The following ZNF727 variants were observed in gnomAD, a reference collection of about 807,000 sequenced individuals.
ZNF727 encodes zinc finger protein 727.
ZNF727 carries 11 observed loss-of-function variants against 11.5 expected under a neutral mutation model. The observed-to-expected ratio is 0.95, with a 90% confidence interval of 0.60 to 1.58. The LOEUF is 1.58. ZNF727 is among the 40% of genes most tolerant of loss of function. ZNF727 has a pLI of 0.00. For synonymous variants in ZNF727, 171 were observed against 196.1 expected, an observed-to-expected ratio of 0.87 and a Z score of 1.07; for missense variants, 533 against 581.7, an observed-to-expected ratio of 0.92 and a Z score of 0.86.
rs1223438196 is a variant in ZNF727 at position 64,058,120 on chromosome 7, T to C, written c.4-10771T>C. ...CAACAAGTAACAGAAGCCAAGGACA[T>C]GTGCGTGCCTGTGAGTTACTCAGCA... On this transcript the variant is annotated intron_variant, in intron 1 of 3. Transcript: ENST00000456806. 2.0e-5 allele frequency among the ~76,000 whole-genome samples: 3 copies of C among 152,132 alleles called. No individual in the cohort carries two copies. The East Asian group carries it at 5.8e-4, about 29-fold the overall frequency.
intron 3 of ZNF727, among the ~76,000 whole-genome samples, chr7:64,074,815 G>A (rs541685470): frequency 2.2e-4 from 34 of 152,224 alleles, no homozygotes; most frequent in African/African-American, 7.9e-4. Context: ...CTCACAGAAC[G>A]CATGAAAACA....
At chr7:64,072,908 C>A (rs1030193022) in intron 3 of ZNF727, among the ~76,000 whole-genome samples, 4 of 152,020 alleles carry the variant, frequency 2.6e-5, no homozygotes, top group African/African-American at 9.7e-5. Context: ...ACCGTATCAC[C>A]CAGGCTGGTC....
chr7:64,054,207 A>G (rs17840373), intron 1 of ZNF727, among the ~76,000 whole-genome samples: 2,722 of 152,282 alleles, frequency 0.018, 156 homozygotes, highest in East Asian at 0.17. Context: ...GTCTGAAAGC[A>G]CACCTCAGTT....
chr7:64,061,246 A>G (rs1789765265), intron 1 of ZNF727, among the ~76,000 whole-genome samples: 1 of 152,088 alleles, frequency 6.6e-6, no homozygotes, highest in South Asian at 2.1e-4. Context: ...TATCTGGATT[A>G]TGTGTCTGCT....
At chr7:64,076,570 G>C (rs1348826733) in intron 3 of ZNF727, among the ~76,000 whole-genome samples, 1 of 152,038 alleles carries the variant, frequency 6.6e-6, no homozygotes, top group African/African-American at 2.4e-5. Context: ...CTCCAGTCTG[G>C]GCGACAGAGA....
chr7:64,075,977 G>T (rs1212454810), intron 3 of ZNF727, among the ~76,000 whole-genome samples: 9 of 152,050 alleles, frequency 5.9e-5, no homozygotes, highest in Non-Finnish European at 1.5e-5. Flanking sequence ...TTATTTTTTA[G>T]TAGTACACTA....
chr7:64,072,052 T>C (rs766572080), intron 3 of ZNF727, among the ~76,000 whole-genome samples: 2 of 152,198 alleles, frequency 1.3e-5, no homozygotes, highest in Non-Finnish European at 2.9e-5. Flanking sequence ...CAAAACTGCT[T>C]TGGCTATTTA....
intron 3 of ZNF727, among the ~76,000 whole-genome samples, chr7:64,069,972 T>C (rs747842194): frequency 7.2e-5 from 11 of 152,048 alleles, no homozygotes; most frequent in Non-Finnish European, 1.6e-4. Context: ...TTTGAGAAAC[T>C]ATATTAAACC....
rs1204536335 is a variant in ZNF727, at chr7:64,058,710, A to G, written c.4-10181A>G. On this transcript the variant is annotated intron_variant, in intron 1 of 3. Transcript: ENST00000456806. ...AATAATTCAAAATTTAAGCTGTTTG[A>G]TATTCTAAATTATTCCAGGCCTCAA... is the stretch of plus-strand genomic sequence containing the variant. 2.0e-5 allele frequency among the ~76,000 whole-genome samples: 3 copies of G among 152,180 alleles called. No individual in the cohort carries two copies. In the East Asian group the frequency reaches 5.8e-4, roughly 29 times the overall value.
At chr7:64,065,939 A>G (rs998979073) in intron 1 of ZNF727, among the ~76,000 whole-genome samples, 3 of 152,200 alleles carry the variant, frequency 2.0e-5, no homozygotes, top group Non-Finnish European at 4.4e-5. Flanking sequence ...TGGATGCCCA[A>G]GATTCCTGTT....
chr7:64,065,175 A>G (rs1218533975), intron 1 of ZNF727, among the ~76,000 whole-genome samples: 1 of 152,148 alleles, frequency 6.6e-6, no homozygotes, highest in African/African-American at 2.4e-5. Context: ...TGTGAGGCTA[A>G]GGTGAGCCCA....
At chr7:64,064,594 T>C (rs1439398562) in intron 1 of ZNF727, among the ~76,000 whole-genome samples, 1 of 152,106 alleles carries the variant, frequency 6.6e-6, no homozygotes, top group Non-Finnish European at 1.5e-5. Flanking sequence ...TTCTTGGCCA[T>C]CCCAGCTGGC....
At chr7:64,056,879 A>G (rs1384834567) in intron 1 of ZNF727, among the ~76,000 whole-genome samples, 1 of 151,950 alleles carries the variant, frequency 6.6e-6, no homozygotes, top group Non-Finnish European at 1.5e-5. Context: ...TTTTTTCCTT[A>G]TCTTGCCTGG....
In ZNF727 at chr7:64,078,433, A is replaced by C. The variant is rs1427699506; in HGVS notation, c.1384A>C (p.Thr462Pro). 6.3e-7 allele frequency: 1 copy of C among 1,586,640 alleles called. No individual in the cohort carries two copies. Among genetic ancestry groups the C allele is most frequent in the Admixed American group, 1.8e-5 (1 of 55,712 alleles). ...YKCEECGKTF[T>P]CSSSLIKHKR... Reference sequence around the variant, plus strand: ...ATGTGAAGAATGTGGCAAAACCTTTACCTGCTCCTCAAGCCTTATTAAACA... The same window carrying C: ...ATGTGAAGAATGTGGCAAAACCTTTCCCTGCTCCTCAAGCCTTATTAAACA... Residue 462 changes from threonine to proline, a missense_variant, in exon 4 of 4, where the codon ACC (threonine) becomes CCC (proline). Physicochemically the swap from Thr to Pro is conservative, Grantham distance 38. This residue lies in a region of ZNF727 where 54 missense variants were observed against 48.6 expected (regional missense o/e 1.11). Transcript: ENST00000456806.
At chr7:64,046,246 G>T (rs1789503856) in intron 1 of ZNF727, among the ~76,000 whole-genome samples, 1 of 152,032 alleles carries the variant, frequency 6.6e-6, no homozygotes. Context: ...GCTCAGCCTG[G>T]TCTCGAACTC....
intron 1 of ZNF727, among the ~76,000 whole-genome samples, chr7:64,050,802 GTGTGTGTGTGTA>G (rs1165392984): frequency 6.6e-6 from 1 of 151,770 alleles, no homozygotes; most frequent in African/African-American, 2.4e-5. Flanking sequence ...GTGTGTGTGT[GTGTGTGTGTGTA>G]TGTATGTATA....
rs759848613 is a variant in ZNF727 at position 64,080,006 on chromosome 7, T to TC, written c.*1458dup. 1.2e-4 allele frequency among the ~76,000 whole-genome samples: 18 copies of TC among 152,206 alleles called. No individual in the cohort carries two copies. Among genetic ancestry groups the TC allele is most frequent in the Non-Finnish European group, 2.5e-4 (17 of 68,024 alleles). ...CATTAATCTCTTTTGACTTGAGGGA[T>TC]CTCAGCTGCAAGGTTCATTGTTGTC... On this transcript the variant is annotated 3_prime_UTR_variant, in exon 4 of 4. Coordinates refer to ENST00000456806, the MANE Select transcript of ZNF727 (RefSeq NM_001159522.3).
intron 1 of ZNF727, among the ~76,000 whole-genome samples, chr7:64,050,724 A>G (rs1446754125): frequency 4.6e-5 from 7 of 151,968 alleles, no homozygotes; most frequent in Admixed American, 3.9e-4. Context: ...TGAAAAAACC[A>G]TAGGCCTCAA....
chr7:64,050,214 T>C (rs1024813657), intron 1 of ZNF727, among the ~76,000 whole-genome samples: 13 of 152,260 alleles, frequency 8.5e-5, no homozygotes, highest in Non-Finnish European at 1.6e-4. Context: ...GAAAACTTAT[T>C]TATCTTTAAT....
Sources: gnomAD v4.1 joint callset for allele counts (sites outside exome capture counted in the v4.1 genomes callset) on GRCh38, gnomAD v4.1.1 for gene constraint, gnomAD v4.1.1 regional missense constraint, MANE v1.5 for transcripts, NCBI Gene and HGNC (gene_info 2026-07-23, HGNC 2026-07-21) for gene names.